Variants in EVC observed in about 807,000 individuals in gnomAD.
The protein encoded by EVC is EvC ciliary complex subunit 1, also known as evC complex member EVC.
In EVC, 116 loss-of-function variants were observed where a neutral mutation model predicts 118.9. That is an observed-to-expected ratio of 0.98 (90% confidence interval 0.84 to 1.14). EVC has a LOEUF of 1.14. Ranked by LOEUF, EVC falls within the 50% of genes most tolerant of loss-of-function variation. EVC has a pLI of 0.00. For missense variants in EVC, 1,401 were observed against 1,246.4 expected (o/e 1.12, Z -1.87); for synonymous variants, 619 against 534.7 (o/e 1.16, Z -2.18).
intron 2 of EVC, among the ~76,000 whole-genome samples, chr4:5,729,040 C>T (rs572445407): frequency 6.6e-6 from 1 of 152,116 alleles, no homozygotes; most frequent in South Asian, 2.1e-4. Flanking sequence ...ATTCATCTGT[C>T]TACCTATCCA....
downstream of EVC, among the ~76,000 whole-genome samples, chr4:5,818,032 T>C (rs938672822): frequency 6.6e-6 from 1 of 152,172 alleles, no homozygotes; most frequent in East Asian, 1.9e-4. Context: ...CATCTTGAAT[T>C]GTAGCTCCCA....
chr4:5,769,542 G>A (rs191385849), intron 11 of EVC, among the ~76,000 whole-genome samples: 40 of 152,262 alleles, frequency 2.6e-4, no homozygotes, highest in African/African-American at 7.2e-4. Flanking sequence ...GTGCGATCGC[G>A]TGAGCTCTGT....
intron 1 of EVC, among the ~76,000 whole-genome samples, chr4:5,718,885 T>A (rs1221332789): frequency 6.6e-6 from 1 of 152,238 alleles, no homozygotes; most frequent in Non-Finnish European, 1.5e-5. Context: ...CCATTTCTCA[T>A]GCTTAGTTGT....
intron 12 of EVC, among the ~76,000 whole-genome samples, chr4:5,786,349 G>A (rs1711584240): frequency 6.6e-6 from 1 of 152,084 alleles, no homozygotes; most frequent in Non-Finnish European, 1.5e-5. Context: ...GTTATTTTAG[G>A]CAAATAGACT....
rs372928065 is a variant in EVC at position 5,812,252 on chromosome 4, G to C, written c.*1215G>C. On this transcript the variant is annotated 3_prime_UTR_variant, in exon 21 of 21. Coordinates refer to ENST00000264956, the MANE Select transcript of EVC (RefSeq NM_153717.3). ...TTTCCCACCGGGAGAGAAACTTCCAGACCAGCCCCTCACACCACAGCCAGG... is the reference window on the plus strand; with the variant it reads ...TTTCCCACCGGGAGAGAAACTTCCACACCAGCCCCTCACACCACAGCCAGG... 1 of 164,610 alleles carries C rather than the reference G, an allele frequency of 6.1e-6. No individual in the cohort carries two copies. The highest frequency in any genetic ancestry group is 2.0e-4 in the East Asian group (1 of 4,916). 10.2% of individuals were successfully genotyped at this position (164,610 alleles called of 1,614,324 possible). A position where few individuals can be genotyped will look rare whatever the true frequency, so the allele number is the denominator to read the frequency against.
chr4:5,822,915 C>A, the EVC span, among the ~76,000 whole-genome samples: 1 of 152,216 alleles, frequency 6.6e-6, no homozygotes, highest in Non-Finnish European at 1.5e-5. Context: ...AAGCACCATC[C>A]TATAAAATCT....
At chr4:5,787,994 T>C (rs1712023132) in intron 12 of EVC, among the ~76,000 whole-genome samples, 1 of 152,132 alleles carries the variant, frequency 6.6e-6, no homozygotes, top group Admixed American at 6.5e-5. Context: ...TCCTCCCAGC[T>C]CACTTCTTTC....
At chr4:5,729,520 T>A in intron 3 of EVC, 130 bp downstream of exon 3, 3 of 898,142 alleles carry the variant, frequency 3.3e-6, no homozygotes, top group South Asian at 1.4e-5. Context: ...GTCATTTTAG[T>A]AGGGATAGTT....
At chr4:5,783,913 C>T (rs1176099357) in intron 12 of EVC, 149 bp downstream of exon 12, 1 of 744,384 alleles carries the variant, frequency 1.3e-6, no homozygotes, top group African/African-American at 1.7e-5. Context: ...AATGGCCCAC[C>T]ACAGGGGTGG....
At chr4:5,805,891 C>CTTT (rs4045512) in intron 17 of EVC, among the ~76,000 whole-genome samples, 42,315 of 123,580 alleles carry the variant, frequency 0.34, 7,512 homozygotes, top group Non-Finnish European at 0.44. Flanking sequence ...AGTTTCTTTT[C>CTTT]TTTTTTTTTT....
rs553902518 is a variant in EVC at position 5,754,757 on chromosome 4, C to T, written c.1464+824C>T. ...TGCTTACCCTCTGGCCCTCAGCTTCCACATCTGTGAAATGGGCATAATGGC... is the reference window on the plus strand; with the variant it reads ...TGCTTACCCTCTGGCCCTCAGCTTCTACATCTGTGAAATGGGCATAATGGC... On this transcript the variant is annotated intron_variant, in intron 10 of 20. Transcript: ENST00000264956. This position sits in a 1 kb window ranked among gnomAD's most constrained non-coding sequence, Gnocchi z 5.8. Among the ~76,000 whole-genome samples the T allele has an allele frequency of 5.2e-4, 79 of 152,260 alleles. No homozygotes were observed. Among genetic ancestry groups the T allele is most frequent in the African/African-American group, 1.8e-3 (76 of 41,562 alleles).
At chr4:5,821,712 G>C in the EVC span, 1 of 1,518,610 alleles carries the variant, frequency 6.6e-7, no homozygotes, top group African/African-American at 1.4e-5. The surrounding 1 kb of genome is among the most constrained non-coding windows in gnomAD (Gnocchi z 4.4). Flanking sequence ...AAAAGGGATG[G>C]ACATGATTCC....
chr4:5,711,342 G>T lies in EVC; in HGVS notation c.-39G>T, dbSNP rs1722970569. The T allele has an allele frequency of 4.0e-6, 4 of 1,007,086 alleles. No homozygotes were observed. The highest frequency in any genetic ancestry group is 5.0e-4 in the Middle Eastern group (1 of 2,016). 62.4% of individuals were successfully genotyped at this position (1,007,086 alleles called of 1,614,324 possible). Reference sequence around the variant, plus strand: ...CGCCCTGGCGGGGACGGTGCAGCAGGCGGCGGGATGCGGCGGGGCGGCAGC... The same window carrying T: ...CGCCCTGGCGGGGACGGTGCAGCAGTCGGCGGGATGCGGCGGGGCGGCAGC... On this transcript the variant is annotated 5_prime_UTR_variant, in exon 1 of 21. Coordinates refer to ENST00000264956, the MANE Select transcript of EVC (RefSeq NM_153717.3).
chr4:5,828,660 C>G, the EVC span: 1 of 1,613,586 alleles, frequency 6.2e-7, no homozygotes, highest in Non-Finnish European at 8.5e-7. Flanking sequence ...AGATGTTGTA[C>G]TCCACCGCCT....
chr4:5,825,870 CATCTACATACCCACAT>C, the EVC span: 1 of 539,698 alleles, frequency 1.9e-6, no homozygotes, highest in Non-Finnish European at 3.3e-6. This position sits in a 1 kb window ranked among gnomAD's most constrained non-coding sequence, Gnocchi z 4.4. Context: ...CATACACACA[CATCTACATACCCACAT>C]GCATACACAT....
intron 4 of EVC, among the ~76,000 whole-genome samples, chr4:5,733,146 C>T (rs951048163): frequency 1.3e-5 from 2 of 152,154 alleles, no homozygotes; most frequent in Non-Finnish European, 1.5e-5. Context: ...ACCAACTGTT[C>T]TCTTATGGCC....
rs770992412 is a variant in EVC at position 5,753,909 on chromosome 4, T to A, written c.1440T>A (p.Thr480=). Residue 480 remains threonine, a synonymous_variant, in exon 10 of 21, where the codon ACT becomes ACA. Coordinates refer to ENST00000264956, the MANE Select transcript of EVC (RefSeq NM_153717.3). ...QRSFLAEAQP[T]ADPEKFLEAF... is the part of the protein sequence containing the mutation. ...GCTTCCTGGCTGAGGCCCAGCCGAC[T>A]GCTGACCCGGAAAAGTTTCTCGAGG... 6.2e-7 allele frequency: 1 copy of A among 1,613,534 alleles called. No homozygotes were observed. Among genetic ancestry groups the A allele is most frequent in the South Asian group, 1.1e-5 (1 of 91,044 alleles).
Position 5,766,621 on chromosome 4 carries a change from C to A in EVC, c.1563+10259C>A, listed in dbSNP as rs1347648091. On this transcript the variant is annotated intron_variant, in intron 11 of 20. Transcript: ENST00000264956. ...CTCATTTCTTTTTATTCTTTTTTCT[C>A]TAAACTTCCCTTCTCGCTTCATTTC... Among the ~76,000 whole-genome samples the A allele has an allele frequency of 6.0e-4, 82 of 137,406 alleles. 1 individual carries two copies. Among genetic ancestry groups the A allele is most frequent in the African/African-American group, 2.1e-3 (76 of 36,040 alleles). 90.1% of individuals were successfully genotyped at this position (137,406 alleles called of 152,430 possible).
At chr4:5,808,157 C>CCCTT (rs757400119) in intron 17 of EVC, 44 bp from the exon 18 acceptor site, 4 of 1,076,078 alleles carry the variant, frequency 3.7e-6, no homozygotes, top group Non-Finnish European at 5.4e-6. Flanking sequence ...CTCCCTCCCT[C>CCCTT]CCTTCCTTCC....
Sources: gnomAD v4.1 joint callset for allele counts (sites outside exome capture counted in the v4.1 genomes callset) on GRCh38, gnomAD v4.1.1 for gene constraint, Gnocchi (gnomAD v3.1) non-coding constraint, MANE v1.5 for transcripts, NCBI Gene and HGNC (gene_info 2026-07-23, HGNC 2026-07-21) for gene names.